SOCS7: variants seen among roughly 807,000 people sequenced by gnomAD.
The protein encoded by SOCS7 is NAP-4.
A neutral mutation model predicts 58.9 loss-of-function variants in SOCS7; 18 were observed. That is an observed-to-expected ratio of 0.31 (90% CI 0.21 to 0.45). The LOEUF (loss-of-function observed/expected upper bound fraction) is 0.45, where lower values mean the gene tolerates loss of function less well. SOCS7 is among the 20% of genes least tolerant of loss of function. The probability of loss-of-function intolerance (pLI) is 1.00; values close to 1 mark genes in which losing one functional copy is unlikely to be tolerated. For missense variants in SOCS7, 667 were observed against 837.3 expected, an observed-to-expected ratio of 0.80 and a Z score of 2.51; for synonymous variants, 388 against 364.3, an observed-to-expected ratio of 1.06 and a Z score of -0.74.
In SOCS7 at chr17:38,403,970, AAAAAAG is replaced by A. The variant is rs1230895696; in HGVS notation, c.*4500_*4505del. ...CTGGGGAGTAAAACCTTTTTTATTA[AAAAAAG>A]AAAAAGAAAAAAAAAAGAAAGAAAA... On this transcript the variant is annotated 3_prime_UTR_variant, in exon 10 of 10. Coordinates refer to ENST00000612932, the MANE Select transcript of SOCS7 (RefSeq NM_014598.4). 1 of 151,970 alleles carries A rather than the reference AAAAAAG, an allele frequency of 6.6e-6. No homozygotes were observed. Among genetic ancestry groups the A allele is most frequent in the Non-Finnish European group, 1.5e-5 (1 of 67,972 alleles). The allele number at this position is 151,970 out of a possible 1,614,324, so 9.4% of individuals were successfully genotyped here. A position where few individuals can be genotyped will look rare whatever the true frequency, so the allele number is the denominator to read the frequency against.
At chr17:38,366,172 T>C (rs1001006268) in intron 4 of SOCS7, 115 bp from the exon 5 acceptor site, 6 of 1,433,398 alleles carry the variant, frequency 4.2e-6, no homozygotes, top group Non-Finnish European at 5.6e-6. Flanking sequence ...CCTTTCCAGC[T>C]TAGCTTCTAA....
chr17:38,377,872 C>CT, intron 7 of SOCS7, 30 bp downstream of exon 7: 1 of 1,603,100 alleles, frequency 6.2e-7, no homozygotes, highest in Non-Finnish European at 8.5e-7. Flanking sequence ...AATTATTTAA[C>CT]TTAAGTTGGG....
At position 38,351,875 on chromosome 17, in the gene SOCS7, C is replaced by G. The variant is rs968343616; in HGVS notation, c.-178C>G. On this transcript the variant is annotated 5_prime_UTR_variant, in exon 1 of 10. Coordinates refer to ENST00000612932, the MANE Select transcript of SOCS7 (RefSeq NM_014598.4). Reference sequence around the variant, plus strand: ...GGGGCGGTGCTCGGCGGTGGCGGAGCGCGGCCTGGGCTCGCGCTGGGCTCC... The same window carrying G: ...GGGGCGGTGCTCGGCGGTGGCGGAGGGCGGCCTGGGCTCGCGCTGGGCTCC... Among the ~76,000 whole-genome samples the G allele has an allele frequency of 4.6e-5, 7 of 151,132 alleles. No homozygotes were observed. The highest frequency in any genetic ancestry group is 9.7e-5 in the African/African-American group (4 of 41,260).
intron 6 of SOCS7, among the ~76,000 whole-genome samples, chr17:38,371,165 G>A (rs1567741653): frequency 6.6e-6 from 1 of 152,110 alleles, no homozygotes; most frequent in Non-Finnish European, 1.5e-5. Flanking sequence ...CCAGGTTGGA[G>A]GGCAGTGCCA....
Position 38,361,723 on chromosome 17 carries a change from G to A in SOCS7, c.993G>A (p.Leu331=), listed in dbSNP as rs753951167. The part of the protein sequence containing the change: ...RELDAGRKPK[L]TRTQSAFSPV... ...TCTCACTCCCTAGGAAACCCAAGTT[G>A]ACAAGAACTCAAAGTGCCTTTTCTC... Residue 331 remains leucine (L), a synonymous_variant, in exon 2 of 10, where the codon TTG becomes TTA. Transcript: ENST00000612932. 3 of 1,613,600 alleles carry A rather than the reference G, an allele frequency of 1.9e-6. No individual in the cohort carries two copies. The highest frequency in any genetic ancestry group is 2.5e-6 in the Non-Finnish European group (3 of 1,179,676).
intron 1 of SOCS7, among the ~76,000 whole-genome samples, chr17:38,361,350 G>C (rs1473261547): frequency 6.6e-6 from 1 of 152,240 alleles, no homozygotes; most frequent in African/African-American, 2.4e-5. Context: ...TCCAGGTTAA[G>C]AGCCCTTTTC....
chr17:38,360,143 A>G (rs1555567360), intron 1 of SOCS7, among the ~76,000 whole-genome samples: 1 of 151,814 alleles, frequency 6.6e-6, no homozygotes, highest in Non-Finnish European at 1.5e-5. Context: ...ATTTTGACAA[A>G]TTTATATATA....
At chr17:38,354,029 A>G (rs2037599342) in intron 1 of SOCS7, among the ~76,000 whole-genome samples, 1 of 152,234 alleles carries the variant, frequency 6.6e-6, no homozygotes, top group African/African-American at 2.4e-5. Flanking sequence ...CCGATTGATG[A>G]AAATTCCAAA....
chr17:38,379,179 AC>A (rs1289330289), intron 7 of SOCS7, among the ~76,000 whole-genome samples: 1 of 148,202 alleles, frequency 6.7e-6, no homozygotes. Context: ...ACAAAAAAAA[AC>A]AAAAAAAAAA....
chr17:38,387,372 G>A (rs2038087885), intron 7 of SOCS7, among the ~76,000 whole-genome samples: 1 of 145,314 alleles, frequency 6.9e-6, no homozygotes, highest in Non-Finnish European at 1.5e-5. Flanking sequence ...ACTTGAACCT[G>A]GGAAGTGGAG....
At chr17:38,374,883 G>A (rs1390416748) in intron 6 of SOCS7, among the ~76,000 whole-genome samples, 2 of 152,226 alleles carry the variant, frequency 1.3e-5, no homozygotes, top group Non-Finnish European at 2.9e-5. Context: ...TTTAGACTTG[G>A]ACCCTTCTAT....
At chr17:38,396,179 A>G (rs1347364001) in intron 9 of SOCS7, among the ~76,000 whole-genome samples, 181 bp downstream of exon 9, 1 of 152,258 alleles carries the variant, frequency 6.6e-6, no homozygotes, top group Admixed American at 6.5e-5. Flanking sequence ...CATTTGGGAG[A>G]AAAGCAGACA....
chr17:38,389,897 A>ATATATATGTGTG (rs1400191697), intron 7 of SOCS7, among the ~76,000 whole-genome samples: 3 of 77,356 alleles, frequency 3.9e-5, no homozygotes, highest in African/African-American at 8.0e-5. Flanking sequence ...ATATATATAT[A>ATATATATGTGTG]TACACATATA....
At chr17:38,392,671 T>A (rs1356230387) in intron 7 of SOCS7, among the ~76,000 whole-genome samples, 1 of 152,110 alleles carries the variant, frequency 6.6e-6, no homozygotes, top group African/African-American at 2.4e-5. Context: ...AATACAAGAC[T>A]TAGTTTTGAA....
intron 7 of SOCS7, among the ~76,000 whole-genome samples, chr17:38,389,906 T>TATATATATAGAG (rs1555571102): frequency 4.8e-5 from 5 of 103,470 alleles, no homozygotes; most frequent in African/African-American, 2.3e-4. Flanking sequence ...TATACACATA[T>TATATATATAGAG]AGAGAGAGAG....
At chr17:38,373,143 T>C (rs1475331038) in intron 6 of SOCS7, among the ~76,000 whole-genome samples, 1 of 151,476 alleles carries the variant, frequency 6.6e-6, no homozygotes, top group African/African-American at 2.4e-5. Flanking sequence ...AGCATACCTA[T>C]AGATAAATAT....
intron 6 of SOCS7, among the ~76,000 whole-genome samples, chr17:38,373,963 G>A (rs770423811): frequency 1.3e-5 from 2 of 152,244 alleles, no homozygotes; most frequent in African/African-American, 2.4e-5. Flanking sequence ...GCTCACGCCT[G>A]TAATCCCAGC....
At position 38,404,473 on chromosome 17, in the gene SOCS7, T is replaced by C. The variant is rs2144425419; in HGVS notation, c.*4991T>C. On this transcript the variant is annotated 3_prime_UTR_variant, in exon 10 of 10. Coordinates refer to ENST00000612932, the MANE Select transcript of SOCS7 (RefSeq NM_014598.4). Reference sequence around the variant, plus strand: ...GTGACCTGCTTCATTCCCATTTCATTTCTAGAGGGTTTAGAGGTGACCTGG... The same window carrying C: ...GTGACCTGCTTCATTCCCATTTCATCTCTAGAGGGTTTAGAGGTGACCTGG... The C allele has an allele frequency of 6.6e-6, 1 of 152,324 alleles. No individual in the cohort carries two copies. The highest frequency in any genetic ancestry group is 2.4e-5 in the African/African-American group (1 of 41,510). The allele number at this position is 152,324 out of a possible 1,614,324, so 9.4% of individuals were successfully genotyped here.
At chr17:38,377,001 A>T (rs1373155528) in intron 6 of SOCS7, among the ~76,000 whole-genome samples, 1 of 152,210 alleles carries the variant, frequency 6.6e-6, no homozygotes, top group African/African-American at 2.4e-5. Context: ...GTAGCCTAGC[A>T]GCAATAGGCT....
Sources: allele counts gnomAD v4.1 joint callset (sites outside exome capture counted in the v4.1 genomes callset), GRCh38; gene constraint gnomAD v4.1.1; transcripts MANE v1.5; gene names NCBI Gene and HGNC (gene_info 2026-07-23, HGNC 2026-07-21).